RGS10: variants seen among roughly 807,000 people sequenced by gnomAD.
RGS10 encodes regulator of G protein signaling 10.
A neutral mutation model predicts 23.5 loss-of-function variants in RGS10; 11 were observed. The observed-to-expected ratio is 0.47, with a 90% CI of 0.29 to 0.77. RGS10 has a LOEUF of 0.77. RGS10 is among the 30% of genes least tolerant of loss of function. The pLI is 0.08. For missense variants in RGS10, 180 were observed against 226.3 expected (o/e 0.80, Z 1.31); for synonymous variants, 77 against 83.2 (o/e 0.92, Z 0.41).
chr10:119,516,836 CCT>C (rs1251254715), intron 3 of RGS10, among the ~76,000 whole-genome samples: 4 of 152,340 alleles, frequency 2.6e-5, no homozygotes, highest in East Asian at 3.9e-4. Flanking sequence ...CAGAACTTCC[CCT>C]GAGGGCTCGA....
chr10:119,516,971 A>G (rs1373114521), intron 3 of RGS10, among the ~76,000 whole-genome samples: 2 of 152,166 alleles, frequency 1.3e-5, no homozygotes, highest in Non-Finnish European at 2.9e-5. Context: ...CAGACAACAA[A>G]TGCCTCTAAA....
intron 4 of RGS10, among the ~76,000 whole-genome samples, chr10:119,506,414 G>A (rs917556543): frequency 2.8e-4 from 43 of 152,350 alleles, no homozygotes; most frequent in Non-Finnish European, 5.6e-4. Flanking sequence ...AGTGTGCCAG[G>A]GGTGGGATTG....
chr10:119,500,098 C>T lies in RGS10; in HGVS notation c.*15G>A, dbSNP rs74157681. 8.3e-3 allele frequency: 13,397 copies of T among 1,609,692 alleles called. 850 individuals carry two copies. In the African/African-American group the frequency reaches 0.15, roughly 18 times the overall value. ...CTTTGCTTCTTAAAGCTGCCAGTCC[C>T]GGCTTTTTGGGGGCTCATGTGTTAT... On this transcript the variant is annotated 3_prime_UTR_variant, in exon 5 of 5. Coordinates refer to ENST00000369103, the MANE Select transcript of RGS10 (RefSeq NM_001005339.2).
intron 1 of RGS10, among the ~76,000 whole-genome samples, chr10:119,542,249 C>T (rs1313036055): frequency 1.1e-4 from 17 of 152,248 alleles, no homozygotes; most frequent in Non-Finnish European, 1.5e-5. Flanking sequence ...GGGAGAAGCC[C>T]GCGCGCCGTT....
chr10:119,527,633 T>C lies in RGS10; in HGVS notation c.50-209A>G, dbSNP rs549435343. Among the ~76,000 whole-genome samples, 1 of 152,146 alleles carries C rather than the reference T, an allele frequency of 6.6e-6. No individual in the cohort carries two copies. The highest frequency in any genetic ancestry group is 1.5e-5 in the Non-Finnish European group (1 of 68,018). ...ACTACTATTTCCTCCATTTTACAGA[T>C]GGGGGTAAACTGAGGCTCGGAGGGA... On this transcript the variant is annotated intron_variant, in intron 1 of 4. Coordinates refer to ENST00000369103, the MANE Select transcript of RGS10 (RefSeq NM_001005339.2). This position sits in a 1 kb window ranked among gnomAD's most constrained non-coding sequence, Gnocchi z 4.2.
intron 1 of RGS10, among the ~76,000 whole-genome samples, chr10:119,539,229 G>C (rs1047893551): frequency 3.3e-5 from 5 of 152,226 alleles, no homozygotes; most frequent in African/African-American, 9.6e-5. Flanking sequence ...AGCTGCCAAG[G>C]CTACCCTGCT....
chr10:119,501,183 C>T (rs946656052), intron 4 of RGS10, among the ~76,000 whole-genome samples: 2 of 152,200 alleles, frequency 1.3e-5, no homozygotes, highest in African/African-American at 2.4e-5. Context: ...TTCCAGCTGT[C>T]AAGGGCTATG....
chr10:119,514,897 G>A (rs149948800), intron 4 of RGS10, among the ~76,000 whole-genome samples: 46 of 152,128 alleles, frequency 3.0e-4, no homozygotes, highest in Admixed American at 3.9e-4. Context: ...CTTTCCCAGC[G>A]CAAATCAATG....
At position 119,538,339 on chromosome 10, in the gene RGS10, C is replaced by T. The variant is rs3808954; in HGVS notation, c.49+4251G>A. Among the ~76,000 whole-genome samples the T allele has an allele frequency of 0.91, 138,062 of 152,304 alleles. 62,599 individuals carry two copies. The highest frequency in any genetic ancestry group is 0.93 in the Middle Eastern group (273 of 294). On this transcript the variant is annotated intron_variant, in intron 1 of 4. Coordinates refer to ENST00000369103, the MANE Select transcript of RGS10 (RefSeq NM_001005339.2). This position sits in a 1 kb window ranked among gnomAD's most constrained non-coding sequence, Gnocchi z 4.5. ...GGGTGCCTCCGGACAAGTCCCTGCC[C>T]CTTAGTGGCCTCTGCAGCCCTTGAG...
chr10:119,503,615 C>T (rs187598403), intron 4 of RGS10, among the ~76,000 whole-genome samples: 7 of 152,284 alleles, frequency 4.6e-5, no homozygotes, highest in Admixed American at 3.9e-4. Flanking sequence ...CTCCCTCCAG[C>T]GCTCTGAAGA....
intron 1 of RGS10, among the ~76,000 whole-genome samples, chr10:119,537,908 A>G (rs1844404102): frequency 1.3e-5 from 2 of 152,152 alleles, no homozygotes; most frequent in African/African-American, 4.8e-5. Context: ...GTGTGGTGTA[A>G]TAGTCTTCCT....
At chr10:119,520,210 G>A (rs1844197410) in intron 3 of RGS10, among the ~76,000 whole-genome samples, 1 of 152,186 alleles carries the variant, frequency 6.6e-6, no homozygotes, top group African/African-American at 2.4e-5. Flanking sequence ...ATGAGGCAAA[G>A]AAAATATCCA....
intron 1 of RGS10, among the ~76,000 whole-genome samples, chr10:119,534,296 T>A (rs1227995195): frequency 1.0e-5 from 1 of 97,158 alleles, no homozygotes; most frequent in Non-Finnish European, 2.7e-5. Context: ...AATAAATAAA[T>A]AAATAAATAA....
At chr10:119,506,268 C>T (rs1438622933) in intron 4 of RGS10, among the ~76,000 whole-genome samples, 1 of 152,252 alleles carries the variant, frequency 6.6e-6, no homozygotes, top group Non-Finnish European at 1.5e-5. Context: ...GGTCTGAGGG[C>T]AGCTGGCAGA....
At position 119,534,303 on chromosome 10, in the gene RGS10, A is replaced by AT. The variant is rs1491228024; in HGVS notation, c.50-6880dup. 4.9e-5 allele frequency among the ~76,000 whole-genome samples: 4 copies of AT among 82,324 alleles called. No individual in the cohort carries two copies. In the East Asian group the frequency reaches 9.4e-4, roughly 19 times the overall value. The allele number at this position is 82,324 out of a possible 152,430, so 54.0% of individuals were successfully genotyped here. A position where few individuals can be genotyped will look rare whatever the true frequency, so the allele number is the denominator to read the frequency against. Reference sequence around the variant, plus strand: ...AATAAATAAATAAATAAATAAATAAATAAAAAAGGCCAGGCACTGTGGCTC... The same window carrying AT: ...AATAAATAAATAAATAAATAAATAAATTAAAAAAGGCCAGGCACTGTGGCTC... On this transcript the variant is annotated intron_variant, in intron 1 of 4. Transcript: ENST00000369103.
rs546167805 is a variant in RGS10, at chr10:119,508,681, T to C, written c.399+6828A>G. ...ACCAATAACGTCATCGATTTCCTGC[T>C]AAGAAGAGAGAAGGAGCGGCAGGAC... On this transcript the variant is annotated intron_variant, in intron 4 of 4. Coordinates refer to ENST00000369103, the MANE Select transcript of RGS10 (RefSeq NM_001005339.2). Among the ~76,000 whole-genome samples, 5 of 152,352 alleles carry C rather than the reference T, an allele frequency of 3.3e-5. No individual in the cohort carries two copies. In the South Asian group the frequency reaches 8.3e-4, roughly 25 times the overall value.
intron 4 of RGS10, chr10:119,515,244 T>C: frequency 6.7e-6 from 3 of 445,604 alleles, no homozygotes; most frequent in Non-Finnish European, 1.2e-5. Flanking sequence ...TCCCCTCTAA[T>C]CTGGACTGAG....
chr10:119,540,396 A>ACC (rs1844425406), intron 1 of RGS10, among the ~76,000 whole-genome samples: 1 of 152,142 alleles, frequency 6.6e-6, no homozygotes, highest in African/African-American at 2.4e-5. Context: ...GACTACAGGC[A>ACC]CGCATCACCA....
intron 1 of RGS10, among the ~76,000 whole-genome samples, chr10:119,534,114 G>T (rs1844359051): frequency 6.6e-6 from 1 of 151,746 alleles, no homozygotes; most frequent in East Asian, 1.9e-4. Context: ...AATTAGCCGG[G>T]TATGGTGGTG....
Sources: gnomAD v4.1 joint callset for allele counts (sites outside exome capture counted in the v4.1 genomes callset) on GRCh38, gnomAD v4.1.1 for gene constraint, Gnocchi (gnomAD v3.1) non-coding constraint, MANE v1.5 for transcripts, NCBI Gene and HGNC (gene_info 2026-07-23, HGNC 2026-07-21) for gene names.